The following DLG2 variants were observed in gnomAD, a reference collection of about 807,000 sequenced individuals.
The protein encoded by DLG2 is disks large homolog 2.
DLG2 carries 45 observed loss-of-function variants against 132.5 expected under a neutral mutation model. The observed-to-expected ratio is 0.34, with a 90% confidence interval of 0.27 to 0.44. The LOEUF (loss-of-function observed/expected upper bound fraction) is 0.44, where lower values mean the gene tolerates loss of function less well. DLG2 is among the 20% of genes least tolerant of loss of function. The pLI is 1.00. For missense variants in DLG2, 1,045 were observed against 1,196.9 expected, an observed-to-expected ratio of 0.87 and a Z score of 1.87; for synonymous variants, 424 against 419.6, an observed-to-expected ratio of 1.01 and a Z score of -0.13.
intron 6 of DLG2, among the ~76,000 whole-genome samples, chr11:84,560,286 T>C (rs1019882791): frequency 2.5e-4 from 38 of 152,110 alleles, no homozygotes; most frequent in African/African-American, 9.2e-4. Context: ...ATACCTACAG[T>C]GTGCTAGGCA....
chr11:83,640,262 G>A (rs2066101250), intron 18 of DLG2, among the ~76,000 whole-genome samples: 1 of 152,156 alleles, frequency 6.6e-6, no homozygotes, highest in African/African-American at 2.4e-5. Context: ...ATCTGAACTA[G>A]AAGCTCTTGG....
intron 16 of DLG2, among the ~76,000 whole-genome samples, chr11:83,870,254 C>T (rs1049745535): frequency 6.6e-6 from 1 of 152,138 alleles, no homozygotes; most frequent in Non-Finnish European, 1.5e-5. Flanking sequence ...TTTTACCCAC[C>T]AAGTAATTTC....
intron 3 of DLG2, among the ~76,000 whole-genome samples, chr11:85,515,812 T>TAC (rs2094158492): frequency 6.6e-6 from 1 of 152,028 alleles, no homozygotes; most frequent in Non-Finnish European, 1.5e-5. Flanking sequence ...GTTATGAGAA[T>TAC]ACAGGATTTG....
intron 6 of DLG2, among the ~76,000 whole-genome samples, chr11:84,930,200 G>A (rs1591454156): frequency 6.6e-6 from 1 of 152,138 alleles, no homozygotes; most frequent in East Asian, 1.9e-4. Flanking sequence ...TTTTCTGAAT[G>A]CCTTCAACAT....
At chr11:83,690,638 T>C (rs891462372) in intron 18 of DLG2, among the ~76,000 whole-genome samples, 1 of 134,640 alleles carries the variant, frequency 7.4e-6, no homozygotes, top group Non-Finnish European at 1.5e-5. Context: ...CACCATATTA[T>C]ACCTCTGTAG....
chr11:85,064,306 G>A (rs1304494027), intron 6 of DLG2, among the ~76,000 whole-genome samples: 3 of 151,716 alleles, frequency 2.0e-5, no homozygotes, highest in African/African-American at 4.8e-5. Context: ...AGCTAGAGAG[G>A]CTTATGAATG....
Position 84,242,578 on chromosome 11 carries a change from G to C in DLG2, c.573+8660C>G, listed in dbSNP as rs868360233. Reference sequence around the variant, plus strand: ...CTGCCACTGTGCCCGGCTAATTTTTGTATTTTTATTAGAGACACGGTTTCA... The same window carrying C: ...CTGCCACTGTGCCCGGCTAATTTTTCTATTTTTATTAGAGACACGGTTTCA... On this transcript the variant is annotated intron_variant, in intron 8 of 27. Transcript: ENST00000376104. Among the ~76,000 whole-genome samples the C allele has an allele frequency of 4.3e-4, 66 of 151,966 alleles. 1 individual carries two copies. Among genetic ancestry groups the C allele is most frequent in the African/African-American group, 1.4e-3 (58 of 41,458 alleles).
At chr11:83,559,724 A>C (rs2096578754) in intron 19 of DLG2, among the ~76,000 whole-genome samples, 1 of 152,198 alleles carries the variant, frequency 6.6e-6, no homozygotes, top group Admixed American at 6.5e-5. Flanking sequence ...GGTATATGGT[A>C]CTTCCAGAAA....
chr11:84,877,417 T>C (rs1176921939), intron 6 of DLG2, among the ~76,000 whole-genome samples: 1 of 152,078 alleles, frequency 6.6e-6, no homozygotes, highest in Non-Finnish European at 1.5e-5. Flanking sequence ...CTTGTTGCAT[T>C]GATCCCTTTA....
intron 3 of DLG2, among the ~76,000 whole-genome samples, chr11:85,457,630 A>G (rs2092465015): frequency 7.2e-5 from 11 of 152,194 alleles, no homozygotes; most frequent in Admixed American, 7.2e-4. Context: ...TAAAGCAGCA[A>G]GTCTGGTGGT....
intron 8 of DLG2, among the ~76,000 whole-genome samples, chr11:84,197,543 A>C (rs918469733): frequency 2.6e-5 from 4 of 152,228 alleles, no homozygotes; most frequent in Non-Finnish European, 4.4e-5. Flanking sequence ...ATCACTAAAA[A>C]AGCCTCCAAA....
chr11:84,397,677 A>C (rs978336627), intron 7 of DLG2, among the ~76,000 whole-genome samples: 2 of 152,240 alleles, frequency 1.3e-5, no homozygotes, highest in African/African-American at 4.8e-5. Context: ...CATTGACGTG[A>C]GAGCTATAAG....
At chr11:84,295,961 T>A (rs2098083825) in intron 7 of DLG2, among the ~76,000 whole-genome samples, 1 of 152,210 alleles carries the variant, frequency 6.6e-6, no homozygotes, top group South Asian at 2.1e-4. Flanking sequence ...TAATGGATAT[T>A]ATGCCAAGCT....
At chr11:85,018,829 G>A (rs1339251602) in intron 6 of DLG2, among the ~76,000 whole-genome samples, 1 of 149,820 alleles carries the variant, frequency 6.7e-6, no homozygotes, top group East Asian at 1.9e-4. Context: ...GCTTAATAAG[G>A]ACTTGTTTAT....
At chr11:83,617,432 A>G (rs1407504796) in intron 19 of DLG2, among the ~76,000 whole-genome samples, 1 of 152,150 alleles carries the variant, frequency 6.6e-6, no homozygotes, top group South Asian at 2.1e-4. Flanking sequence ...CTTATTGTTT[A>G]GTATTGTTAT....
rs540958080 is a variant in DLG2 at position 84,648,761 on chromosome 11, A to C, written c.358-114030T>G. On this transcript the variant is annotated intron_variant, in intron 6 of 27. Transcript: ENST00000376104. ...TCTCTCTCTCCTTCTCTCTCTCTCT[A>C]TATATACATGTGTGTGTATATATAT... 1.0e-4 allele frequency among the ~76,000 whole-genome samples: 15 copies of C among 146,270 alleles called. No individual in the cohort carries two copies. The South Asian group carries it at 1.2e-3, about 11-fold the overall frequency.
chr11:84,551,851 T>G (rs555351564), intron 6 of DLG2, among the ~76,000 whole-genome samples: 1 of 152,306 alleles, frequency 6.6e-6, no homozygotes, highest in South Asian at 2.1e-4. Context: ...GGAGAAAGTA[T>G]AAATAGAAAT....
chr11:85,165,617 C>T (rs1218890074), intron 4 of DLG2, among the ~76,000 whole-genome samples: 1 of 152,182 alleles, frequency 6.6e-6, no homozygotes, highest in Non-Finnish European at 1.5e-5. Context: ...ATAGGCTCTG[C>T]TCAGCTCATC....
intron 3 of DLG2, among the ~76,000 whole-genome samples, chr11:85,518,342 G>C (rs1167077379): frequency 6.6e-6 from 1 of 152,216 alleles, no homozygotes; most frequent in Non-Finnish European, 1.5e-5. Flanking sequence ...GGTGGTCTCA[G>C]ATGGAGATGA....
Sources: allele counts gnomAD v4.1 joint callset (sites outside exome capture counted in the v4.1 genomes callset), GRCh38; gene constraint gnomAD v4.1.1; transcripts MANE v1.5; gene names NCBI Gene and HGNC (gene_info 2026-07-23, HGNC 2026-07-21).